FN1: variants seen among roughly 807,000 people sequenced by gnomAD.
FN1 encodes fibronectin 1.
Under a neutral mutation model 297.3 loss-of-function variants are expected in FN1, and 106 were observed. That is an observed-to-expected ratio of 0.36 (90% CI 0.30 to 0.42). The LOEUF (loss-of-function observed/expected upper bound fraction) is 0.42, where lower values mean the gene tolerates loss of function less well. Among genes scored for constraint, FN1 ranks in the 10% least tolerant of loss-of-function variants. The probability of loss-of-function intolerance (pLI) is 1.00; values close to 1 mark genes in which losing one functional copy is unlikely to be tolerated. For missense variants in FN1, 2,690 were observed against 3,124.9 expected (o/e 0.86, Z 3.32); for synonymous variants, 1,149 against 1,152.6 (o/e 1.00, Z 0.06).
At chr2:215,377,393 T>A (rs1214864349) in intron 35 of FN1, among the ~76,000 whole-genome samples, 1 of 152,146 alleles carries the variant, frequency 6.6e-6, no homozygotes, top group Non-Finnish European at 1.5e-5. Context: ...GGCAGATCCC[T>A]TGTGGCTTGG....
Position 215,406,388 on chromosome 2 carries a change from G to A in FN1, c.2836C>T (p.Leu946=), listed in dbSNP as rs1438175804. ...GYRVDVIPVN[L]PGEHGQRLPI... ...AGCCTCTGCCCGTGCTCGCCAGGCA[G>A]GTTGACGGGGATCACATCCACACGG... The change falls in exon 19 of 46, where the codon CTG becomes TTG. Residue 946 remains leucine, a synonymous_variant. Coordinates refer to ENST00000354785, the MANE Select transcript of FN1 (RefSeq NM_212482.4). 2 of 1,614,210 alleles carry A rather than the reference G, an allele frequency of 1.2e-6. No individual in the cohort carries two copies. Among genetic ancestry groups the A allele is most frequent in the African/African-American group, 1.3e-5 (1 of 75,070 alleles).
Position 215,435,925 on chromosome 2 carries a change from G to C in FN1, c.-123C>G, listed in dbSNP as rs2067405550. On this transcript the variant is annotated 5_prime_UTR_variant, in exon 1 of 46. Coordinates refer to ENST00000354785, the MANE Select transcript of FN1 (RefSeq NM_212482.4). ...CCCGGGGGTTGTCGCCTCCAAGAAG[G>C]TGGGGGCCAGAGGGTGGGGAAGGGG... The C allele has an allele frequency of 2.5e-5, 37 of 1,453,484 alleles. No homozygotes were observed. Among genetic ancestry groups the C allele is most frequent in the Non-Finnish European group, 3.0e-5 (33 of 1,104,352 alleles). The allele number at this position is 1,453,484 out of a possible 1,614,324, so 90.0% of individuals were successfully genotyped here. A position where few individuals can be genotyped will look rare whatever the true frequency, so the allele number is the denominator to read the frequency against.
intron 9 of FN1, among the ~76,000 whole-genome samples, chr2:215,422,953 C>T (rs921681166): frequency 6.6e-6 from 1 of 152,122 alleles, no homozygotes; most frequent in Non-Finnish European, 1.5e-5. Flanking sequence ...AAACCACAAC[C>T]ATGTGTCAAT....
chr2:215,409,878 G>A, intron 14 of FN1, 56 bp downstream of exon 14: 3 of 1,605,116 alleles, frequency 1.9e-6, no homozygotes, highest in Non-Finnish European at 2.6e-6. Context: ...TGCCTCAGGA[G>A]AGCCTAGCTC....
chr2:215,380,093 A>G (rs1239302640), intron 33 of FN1: 1 of 152,436 alleles, frequency 6.6e-6, no homozygotes, highest in Admixed American at 6.5e-5. Flanking sequence ...TTGTCTCTTT[A>G]TTTGGACCCT....
intron 37 of FN1, 40 bp from the exon 38 acceptor site, chr2:215,375,433 A>AC: frequency 6.3e-7 from 1 of 1,585,358 alleles, no homozygotes; most frequent in African/African-American, 1.3e-5. Context: ...AAGGCAAATA[A>AC]CCAAGAAAAT....
At chr2:215,423,076 ATAAG>A (rs534760524) in intron 9 of FN1, among the ~76,000 whole-genome samples, 22 of 152,318 alleles carry the variant, frequency 1.4e-4, no homozygotes, top group African/African-American at 3.6e-4. Flanking sequence ...AGACTTACAA[ATAAG>A]TAATTATATT....
At chr2:215,364,583 A>T (rs570250862) in intron 44 of FN1, 122 of 484,620 alleles carry the variant, frequency 2.5e-4, no homozygotes, top group Non-Finnish European at 3.9e-4. Flanking sequence ...AAATGATTCT[A>T]ACATCATATA....
chr2:215,422,381 C>G, intron 9 of FN1, 138 bp from the exon 10 acceptor site: 1 of 861,546 alleles, frequency 1.2e-6, no homozygotes, highest in Non-Finnish European at 2.0e-6. Flanking sequence ...TCAAAGACAT[C>G]TAAGTGCTGT....
intron 4 of FN1, 55 bp from the exon 5 acceptor site, chr2:215,430,907 A>C: frequency 6.3e-7 from 1 of 1,592,560 alleles, no homozygotes; most frequent in Non-Finnish European, 8.6e-7. Flanking sequence ...GAATTGTGCA[A>C]GCTCCCTGTA....
At position 215,380,796 on chromosome 2, in the gene FN1, C is replaced by T. The variant is rs992395189; in HGVS notation, c.5434+15G>A. 6.2e-7 allele frequency: 1 copy of T among 1,612,446 alleles called. No individual in the cohort carries two copies. The highest frequency in any genetic ancestry group is 1.1e-5 in the South Asian group (1 of 91,000). Reference sequence around the variant, plus strand: ...CTGCTCCCATGGGCACCTGGTGGTGCAATTAACCATATACCTGTGGACTGG... The same window carrying T: ...CTGCTCCCATGGGCACCTGGTGGTGTAATTAACCATATACCTGTGGACTGG... On this transcript the variant is annotated intron_variant, in intron 33 of 45. Transcript: ENST00000354785.
At chr2:215,373,464 T>G in intron 38 of FN1, 53 bp from the exon 39 acceptor site, 1 of 1,472,964 alleles carries the variant, frequency 6.8e-7, no homozygotes, top group Non-Finnish European at 9.5e-7. Context: ...GCTAGTCAAG[T>G]GGAAGTCGGT....
chr2:215,434,493 A>G (rs1336540272), intron 2 of FN1, among the ~76,000 whole-genome samples: 1 of 152,226 alleles, frequency 6.6e-6, no homozygotes, highest in Admixed American at 6.5e-5. Context: ...GACTCTAGGA[A>G]CTAATTTGGG....
chr2:215,384,589 C>T, intron 29 of FN1: 1 of 405,446 alleles, frequency 2.5e-6, no homozygotes, highest in Non-Finnish European at 4.4e-6. Flanking sequence ...CACTTATTTC[C>T]ACCACTGATA....
chr2:215,373,179 T>C (rs1575275075), intron 39 of FN1, 143 bp downstream of exon 39: 3 of 659,608 alleles, frequency 4.5e-6, no homozygotes, highest in Middle Eastern at 3.4e-4. Context: ...TATTAAAGAA[T>C]ACAATATATA....
chr2:215,383,616 T>G, intron 30 of FN1, 133 bp from the exon 31 acceptor site: 2 of 973,020 alleles, frequency 2.1e-6, no homozygotes, highest in Admixed American at 3.9e-5. Flanking sequence ...CTCGAAAGAA[T>G]ACAGAGAGAG....
At chr2:215,414,746 T>C in intron 13 of FN1, 91 bp downstream of exon 13, 1 of 1,578,844 alleles carries the variant, frequency 6.3e-7, no homozygotes, top group Non-Finnish European at 8.6e-7. Context: ...TTAATCAGAG[T>C]TGTTGGCTCA....
At chr2:215,432,878 G>A (rs1161218650) in intron 3 of FN1, among the ~76,000 whole-genome samples, 1 of 152,138 alleles carries the variant, frequency 6.6e-6, no homozygotes, top group Non-Finnish European at 1.5e-5. Flanking sequence ...AGGTGCAAGA[G>A]GTCTCTGCAT....
At position 215,379,151 on chromosome 2, in the gene FN1, G is replaced by A. The variant is rs766958683; in HGVS notation, c.5601C>T (p.Ser1867=). ...KEINLAPDSS[S]VVVSGLMVAT... Reference sequence around the variant, plus strand: ...TTACCATAAGTCCTGATACAACCACGGATGAGCTGTCAGGAGCAAGGTTGA... The same window carrying A: ...TTACCATAAGTCCTGATACAACCACAGATGAGCTGTCAGGAGCAAGGTTGA... Residue 1867 remains serine (S), a synonymous_variant, in exon 34 of 46, where the codon TCC becomes TCT. Transcript: ENST00000354785. 1.7e-5 allele frequency: 28 copies of A among 1,613,910 alleles called. No homozygotes were observed. The highest frequency in any genetic ancestry group is 1.3e-4 in the East Asian group (6 of 44,880).
Sources: allele counts gnomAD v4.1 joint callset (sites outside exome capture counted in the v4.1 genomes callset), GRCh38; gene constraint gnomAD v4.1.1; transcripts MANE v1.5; gene names NCBI Gene and HGNC (gene_info 2026-07-23, HGNC 2026-07-21).